Variants in CNTNAP5 observed in about 807,000 individuals in gnomAD.
CNTNAP5 encodes contactin-associated protein-like 5.
A neutral mutation model predicts 150.2 loss-of-function variants in CNTNAP5; 72 were observed. The observed-to-expected ratio is 0.48, with a 90% CI of 0.40 to 0.58. The LOEUF (loss-of-function observed/expected upper bound fraction) is 0.58. CNTNAP5 is among the 20% of genes least tolerant of loss of function. The pLI, the probability that CNTNAP5 is intolerant of heterozygous loss-of-function variation, is 0.00. For missense variants in CNTNAP5, 1,636 were observed against 1,626.2 expected, an observed-to-expected ratio of 1.01 and a Z score of -0.10; for synonymous variants, 672 against 619.8, an observed-to-expected ratio of 1.08 and a Z score of -1.25.
chr2:124,331,724 A>C (rs1689353347), intron 3 of CNTNAP5, among the ~76,000 whole-genome samples: 1 of 152,024 alleles, frequency 6.6e-6, no homozygotes, highest in South Asian at 2.1e-4. Context: ...AGATGTTAAA[A>C]AAAATTATTT....
chr2:124,118,674 G>A (rs1683485857), intron 1 of CNTNAP5, among the ~76,000 whole-genome samples: 1 of 152,152 alleles, frequency 6.6e-6, no homozygotes, highest in South Asian at 2.1e-4. Context: ...AGGACTTGTG[G>A]AGAGCTGCTA....
intron 10 of CNTNAP5, among the ~76,000 whole-genome samples, chr2:124,558,108 G>A (rs1281542956): frequency 1.3e-5 from 2 of 152,180 alleles, no homozygotes; most frequent in African/African-American, 2.4e-5. Context: ...CCTTGCTCTT[G>A]TGTTGGGAAT....
At chr2:124,171,448 C>A (rs991005817) in intron 1 of CNTNAP5, among the ~76,000 whole-genome samples, 2 of 152,150 alleles carry the variant, frequency 1.3e-5, no homozygotes, top group African/African-American at 4.8e-5. Context: ...ATGATGGCAG[C>A]TCCTGGATGG....
At chr2:124,911,169 G>A (rs1316609751) in intron 22 of CNTNAP5, among the ~76,000 whole-genome samples, 1 of 151,862 alleles carries the variant, frequency 6.6e-6, no homozygotes, top group Non-Finnish European at 1.5e-5. Flanking sequence ...GGCAACAGGG[G>A]ACATTAGGAG....
chr2:124,545,167 G>T (rs935341705), intron 10 of CNTNAP5, among the ~76,000 whole-genome samples: 2 of 151,982 alleles, frequency 1.3e-5, no homozygotes, highest in African/African-American at 4.8e-5. Context: ...ATTTAGTAAG[G>T]TTTGGTTTCT....
intron 1 of CNTNAP5, among the ~76,000 whole-genome samples, chr2:124,119,415 G>T (rs1403225899): frequency 1.4e-5 from 2 of 147,574 alleles, no homozygotes; most frequent in Non-Finnish European, 1.5e-5. Context: ...GCAATTCATG[G>T]TAATTACTAG....
At chr2:124,358,789 G>C (rs1310124065) in intron 3 of CNTNAP5, among the ~76,000 whole-genome samples, 8 of 151,652 alleles carry the variant, frequency 5.3e-5, no homozygotes, top group Non-Finnish European at 7.4e-5. Context: ...TCTCTGCCAG[G>C]CTTTGGTATC....
intron 19 of CNTNAP5, among the ~76,000 whole-genome samples, chr2:124,856,490 G>A (rs1238074733): frequency 6.6e-6 from 1 of 151,520 alleles, no homozygotes; most frequent in East Asian, 1.9e-4. Context: ...CTGCATCCAT[G>A]CCATTATCTA....
intron 1 of CNTNAP5, among the ~76,000 whole-genome samples, chr2:124,212,354 G>A (rs2104726373): frequency 6.6e-6 from 1 of 152,214 alleles, no homozygotes; most frequent in East Asian, 1.9e-4. Flanking sequence ...TAATAGATGG[G>A]GAGGAGGGAA....
intron 1 of CNTNAP5, among the ~76,000 whole-genome samples, chr2:124,055,573 G>A (rs974597151): frequency 6.6e-5 from 10 of 152,068 alleles, no homozygotes; most frequent in Admixed American, 2.0e-4. Context: ...ATGATCACAG[G>A]GGCTGTCAAC....
chr2:124,757,780 C>T (rs1385447328), intron 14 of CNTNAP5, among the ~76,000 whole-genome samples: 1 of 152,146 alleles, frequency 6.6e-6, no homozygotes, highest in East Asian at 1.9e-4. Flanking sequence ...CCCCAAACCA[C>T]CAGTACATAA....
At chr2:124,865,958 A>G (rs1456732528) in intron 20 of CNTNAP5, among the ~76,000 whole-genome samples, 1 of 151,420 alleles carries the variant, frequency 6.6e-6, no homozygotes, top group African/African-American at 2.4e-5. Context: ...AAAAATTAAA[A>G]GAAAAAAAGA....
At chr2:124,524,529 T>C in intron 9 of CNTNAP5, 77 bp downstream of exon 9, 1 of 1,412,204 alleles carries the variant, frequency 7.1e-7, no homozygotes. Flanking sequence ...ACTATGATGG[T>C]TCTGGTTTGG....
Position 124,763,734 on chromosome 2 carries a change from C to T in CNTNAP5, c.2297C>T (p.Thr766Ile), listed in dbSNP as rs1263928326. 6.2e-7 allele frequency: 1 copy of T among 1,613,018 alleles called. No homozygotes were observed. The highest frequency in any genetic ancestry group is 1.7e-5 in the Admixed American group (1 of 59,868). ...DHLPVTQIVI[T>I]DTDRSNSEAA... Reference sequence around the variant, plus strand: ...TTGCCTGTCACTCAGATAGTTATCACTGATACCGACAGATCAAACTCAGAA... The same window carrying T: ...TTGCCTGTCACTCAGATAGTTATCATTGATACCGACAGATCAAACTCAGAA... The change falls in exon 15 of 24, where the codon ACT (threonine) becomes ATT (isoleucine). Residue 766 changes from threonine (T) to isoleucine (I), a missense_variant. By Grantham distance (89) the Thr-to-Ile change is moderately conservative (BLOSUM62 -1). Transcript: ENST00000682447.
At chr2:124,518,263 CATATT>C (rs1694776038) in intron 8 of CNTNAP5, among the ~76,000 whole-genome samples, 1 of 151,006 alleles carries the variant, frequency 6.6e-6, no homozygotes, top group South Asian at 2.1e-4. Flanking sequence ...TTTTAAAAGA[CATATT>C]ATATGCTCTG....
intron 2 of CNTNAP5, among the ~76,000 whole-genome samples, chr2:124,229,594 G>T (rs968564129): frequency 1.3e-5 from 2 of 152,166 alleles, no homozygotes; most frequent in Admixed American, 1.3e-4. Flanking sequence ...ATTAACTTAG[G>T]TTGCCAACTC....
intron 1 of CNTNAP5, among the ~76,000 whole-genome samples, chr2:124,032,601 A>C (rs376118112): frequency 6.6e-6 from 1 of 152,152 alleles, no homozygotes; most frequent in African/African-American, 2.4e-5. Flanking sequence ...ATAATGGCCA[A>C]GTAAATTTAA....
At chr2:124,231,548 T>A (rs908981371) in intron 2 of CNTNAP5, among the ~76,000 whole-genome samples, 1 of 152,192 alleles carries the variant, frequency 6.6e-6, no homozygotes, top group African/African-American at 2.4e-5. Context: ...AATTTTGGTA[T>A]TCCCTTAGGG....
At chr2:124,748,581 T>C (rs1376528520) in intron 14 of CNTNAP5, among the ~76,000 whole-genome samples, 1 of 152,224 alleles carries the variant, frequency 6.6e-6, no homozygotes. Flanking sequence ...AAAATTCTTA[T>C]GTTAAGCTAG....
Sources: allele counts gnomAD v4.1 joint callset (sites outside exome capture counted in the v4.1 genomes callset), GRCh38; gene constraint gnomAD v4.1.1; transcripts MANE v1.5; gene names NCBI Gene and HGNC (gene_info 2026-07-23, HGNC 2026-07-21).